PRKG2: variants seen among roughly 807,000 people sequenced by gnomAD.
PRKG2 encodes cGMP-dependent protein kinase 2.
A neutral mutation model predicts 97.2 loss-of-function variants in PRKG2; 33 were observed. The observed-to-expected ratio is 0.34, with a 90% CI of 0.26 to 0.45. The LOEUF is 0.45. Ranked by LOEUF, PRKG2 falls within the 20% of genes least tolerant of loss-of-function variation. PRKG2 has a pLI of 1.00. For missense variants in PRKG2, 638 were observed against 900.0 expected, an observed-to-expected ratio of 0.71 and a Z score of 3.73; for synonymous variants, 330 against 321.8, an observed-to-expected ratio of 1.03 and a Z score of -0.27.
intron 11 of PRKG2, 21 bp from the exon 12 acceptor site, chr4:81,140,690 T>C (rs1186692010): frequency 5.1e-6 from 8 of 1,580,928 alleles, no homozygotes; most frequent in Non-Finnish European, 6.9e-6. Flanking sequence ...AATGGAAAGA[T>C]ACCTCAAAAT....
rs1284650651 is a variant in PRKG2, at chr4:81,204,394, A to G, written c.461+193T>C. ...TGAGCTCCTCATGAGAGATATATAT[A>G]GTACAATTTCTACTTTAAACTTCTG... On this transcript the variant is annotated intron_variant, in intron 2 of 18. Transcript: ENST00000264399. Among the ~76,000 whole-genome samples, 3 of 152,176 alleles carry G rather than the reference A, an allele frequency of 2.0e-5. No individual in the cohort carries two copies. In the East Asian group the frequency reaches 5.8e-4, roughly 29 times the overall value.
chr4:81,108,739 T>G (rs976406878), intron 15 of PRKG2, among the ~76,000 whole-genome samples: 2 of 151,828 alleles, frequency 1.3e-5, no homozygotes, highest in Admixed American at 1.3e-4. Flanking sequence ...TGCAAAAAAA[T>G]TTTAAAAATT....
intron 6 of PRKG2, among the ~76,000 whole-genome samples, chr4:81,161,362 G>A (rs115877985): frequency 0.01 from 1,532 of 152,264 alleles, 27 homozygotes; most frequent in African/African-American, 0.034. Context: ...TTAGGAAAGC[G>A]CATTAGTTCT....
intron 4 of PRKG2, among the ~76,000 whole-genome samples, chr4:81,170,358 A>G (rs921475272): frequency 6.6e-6 from 1 of 152,152 alleles, no homozygotes; most frequent in African/African-American, 2.4e-5. Flanking sequence ...AAGGGCAAGT[A>G]TAAAATTTAA....
rs182462489 is a variant in PRKG2, at chr4:81,132,142, A to T, written c.1776+3013T>A. On this transcript the variant is annotated intron_variant, in intron 14 of 18. Coordinates refer to ENST00000264399, the MANE Select transcript of PRKG2 (RefSeq NM_006259.3). ...CTCATACTTTTTACATATGAAATTT[A>T]CTCAAAATTATTTTATAATTGTTAG... Among the ~76,000 whole-genome samples, 311 of 151,894 alleles carry T rather than the reference A, an allele frequency of 2.0e-3. 2 individuals carry two copies. Among genetic ancestry groups the T allele is most frequent in the African/African-American group, 7.3e-3 (301 of 41,458 alleles).
chr4:81,201,839 T>C (rs562031312), intron 2 of PRKG2, among the ~76,000 whole-genome samples: 159 of 152,280 alleles, frequency 1.0e-3, no homozygotes, highest in African/African-American at 3.5e-3. Context: ...AGAAATACTC[T>C]CTTAGACAAA....
intron 6 of PRKG2, among the ~76,000 whole-genome samples, chr4:81,156,100 G>A (rs1749066559): frequency 6.6e-6 from 1 of 151,988 alleles, no homozygotes; most frequent in Non-Finnish European, 1.5e-5. Flanking sequence ...AAACGTAAAT[G>A]GACTAAATGC....
In PRKG2 at chr4:81,105,597, T is replaced by A. The variant is rs1254181643; in HGVS notation, c.2063+216A>T. ...TGTCTGAAAAATTTAGATCTTTTTT[T>A]AAACTACTTCATAAGTAGGTACTGT... On this transcript the variant is annotated intron_variant, in intron 16 of 18. Coordinates refer to ENST00000264399, the MANE Select transcript of PRKG2 (RefSeq NM_006259.3). Among the ~76,000 whole-genome samples the A allele has an allele frequency of 2.6e-5, 4 of 152,302 alleles. No homozygotes were observed. The East Asian group carries it at 7.7e-4, about 29-fold the overall frequency.
chr4:81,200,942 T>C (rs1182226986), intron 2 of PRKG2, among the ~76,000 whole-genome samples: 6 of 152,150 alleles, frequency 3.9e-5, no homozygotes, highest in Admixed American at 2.0e-4. Flanking sequence ...GCCAGGTCCC[T>C]ACAAAGAGCT....
chr4:81,178,612 G>A (rs968938517), intron 2 of PRKG2, among the ~76,000 whole-genome samples: 4 of 151,266 alleles, frequency 2.6e-5, no homozygotes, highest in Non-Finnish European at 5.9e-5. Flanking sequence ...ATAAAATGCA[G>A]CTGATAATAA....
At chr4:81,128,496 C>G (rs1210826121) in intron 14 of PRKG2, among the ~76,000 whole-genome samples, 4 of 152,090 alleles carry the variant, frequency 2.6e-5, no homozygotes, top group Non-Finnish European at 5.9e-5. Context: ...TTAATTACTG[C>G]CTCAATTTCA....
At chr4:81,177,460 C>T (rs1751030868) in intron 2 of PRKG2, among the ~76,000 whole-genome samples, 1 of 152,146 alleles carries the variant, frequency 6.6e-6, no homozygotes, top group Non-Finnish European at 1.5e-5. Context: ...AATCCCAGCA[C>T]TTTGGGAGGC....
intron 14 of PRKG2, among the ~76,000 whole-genome samples, chr4:81,119,285 C>T (rs1174894821): frequency 1.3e-5 from 2 of 152,124 alleles, no homozygotes; most frequent in Non-Finnish European, 2.9e-5. Context: ...AGTTAATTTT[C>T]ATGAAGGGTA....
intron 3 of PRKG2, chr4:81,174,032 C>A (rs1017816638): frequency 6.6e-6 from 1 of 151,918 alleles, no homozygotes. Flanking sequence ...TTTTTTGCTT[C>A]TATATACAAA....
At chr4:81,133,493 G>C (rs1220056231) in intron 14 of PRKG2, among the ~76,000 whole-genome samples, 5 of 152,090 alleles carry the variant, frequency 3.3e-5, no homozygotes, top group South Asian at 2.1e-4. Flanking sequence ...TTCAATGTGT[G>C]ATTTCCACCA....
intron 5 of PRKG2, among the ~76,000 whole-genome samples, chr4:81,167,666 C>T (rs1024744439): frequency 3.0e-4 from 46 of 151,982 alleles, no homozygotes; most frequent in African/African-American, 9.6e-4. Flanking sequence ...GGACTGAATC[C>T]GGGGTTGGGA....
intron 11 of PRKG2, among the ~76,000 whole-genome samples, chr4:81,140,992 T>G (rs1747223324): frequency 6.6e-6 from 1 of 151,830 alleles, no homozygotes; most frequent in African/African-American, 2.4e-5. Context: ...TTATTCACTT[T>G]GCTTTCAAAG....
At chr4:81,215,469 T>G (rs1231616586), upstream of PRKG2, among the ~76,000 whole-genome samples, 1 of 152,170 alleles carries the variant, frequency 6.6e-6, no homozygotes, top group Non-Finnish European at 1.5e-5. Context: ...TTTGTTCATG[T>G]TATTATTTCT....
intron 15 of PRKG2, 78 bp downstream of exon 15, chr4:81,110,370 T>C: frequency 6.9e-7 from 1 of 1,450,184 alleles, no homozygotes; most frequent in Non-Finnish European, 9.4e-7. Context: ...GCTCTTAAAG[T>C]ATATACACTT....
Sources: gnomAD v4.1 joint callset for allele counts (sites outside exome capture counted in the v4.1 genomes callset) on GRCh38, gnomAD v4.1.1 for gene constraint, MANE v1.5 for transcripts, NCBI Gene and HGNC (gene_info 2026-07-23, HGNC 2026-07-21) for gene names.